Variants in GRM7 observed in about 807,000 individuals in gnomAD.
GRM7 encodes the protein glutamate metabotropic receptor 7.
GRM7 carries 35 observed loss-of-function variants against 84.5 expected under a neutral mutation model. The observed-to-expected ratio is 0.41, with a 90% CI of 0.32 to 0.55. The LOEUF (loss-of-function observed/expected upper bound fraction) is 0.55. Ranked by LOEUF, GRM7 falls within the 20% of genes least tolerant of loss-of-function variation. The pLI is 0.19. For synonymous variants in GRM7, 487 were observed against 455.1 expected, an observed-to-expected ratio of 1.07 and a Z score of -0.89; for missense variants, 1,003 against 1,194.6, an observed-to-expected ratio of 0.84 and a Z score of 2.36.
intron 9 of GRM7, among the ~76,000 whole-genome samples, chr3:7,709,525 A>T (rs2125164601): frequency 6.6e-6 from 1 of 152,228 alleles, no homozygotes; most frequent in Non-Finnish European, 1.5e-5. Context: ...CAGAATACAG[A>T]AAGTGGAGCC....
At chr3:7,578,278 C>A in intron 7 of GRM7, 144 bp from the exon 8 acceptor site, 2 of 617,238 alleles carry the variant, frequency 3.2e-6, no homozygotes, top group East Asian at 2.8e-5. Context: ...TCAAATCATA[C>A]TTGTAACTCT....
intron 1 of GRM7, among the ~76,000 whole-genome samples, chr3:6,968,837 A>G (rs372966448): frequency 3.7e-4 from 57 of 152,260 alleles, no homozygotes; most frequent in Middle Eastern, 6.8e-3. Context: ...TACCCATTCC[A>G]TACATTTACC....
rs551252701 is a variant in GRM7, at chr3:7,476,565, A to T, written c.1515+14843A>T. On this transcript the variant is annotated intron_variant, in intron 7 of 9. Coordinates refer to ENST00000357716, the MANE Select transcript of GRM7 (RefSeq NM_000844.4). Reference sequence around the variant, plus strand: ...CACCTCAAAAAATAAGAAAAAATTTAAAAAAAGAAAAGTGACTAGGACAGT... The same window carrying T: ...CACCTCAAAAAATAAGAAAAAATTTTAAAAAAGAAAAGTGACTAGGACAGT... Among the ~76,000 whole-genome samples, 54 of 152,244 alleles carry T rather than the reference A, an allele frequency of 3.5e-4. No individual in the cohort carries two copies. In the South Asian group the frequency reaches 0.011, roughly 31 times the overall value.
chr3:6,905,025 A>G (rs1223257414), intron 1 of GRM7, among the ~76,000 whole-genome samples: 1 of 152,058 alleles, frequency 6.6e-6, no homozygotes, highest in Non-Finnish European at 1.5e-5. Context: ...GGCTCCTAAT[A>G]TATCTTAATA....
intron 2 of GRM7, among the ~76,000 whole-genome samples, chr3:7,202,861 A>G (rs1287983003): frequency 6.6e-6 from 1 of 152,162 alleles, no homozygotes; most frequent in Non-Finnish European, 1.5e-5. Flanking sequence ...TTGAGCTACA[A>G]TTGTCTAAAA....
chr3:7,430,299 C>G (rs1696774308), intron 5 of GRM7, among the ~76,000 whole-genome samples: 1 of 152,094 alleles, frequency 6.6e-6, no homozygotes, highest in Admixed American at 6.6e-5. Context: ...TTGAGGTCAC[C>G]TGGGATGTTC....
intron 8 of GRM7, among the ~76,000 whole-genome samples, chr3:7,668,064 G>T (rs1699771501): frequency 6.6e-6 from 1 of 152,126 alleles, no homozygotes; most frequent in Non-Finnish European, 1.5e-5. Flanking sequence ...AGTTATTATT[G>T]ACAATTATGC....
chr3:7,283,793 A>G (rs1483722751), intron 2 of GRM7, among the ~76,000 whole-genome samples: 1 of 152,240 alleles, frequency 6.6e-6, no homozygotes, highest in African/African-American at 2.4e-5. Context: ...AAATTCACAA[A>G]GAAGAATTAT....
At chr3:7,641,674 A>C (rs1559457944) in intron 8 of GRM7, among the ~76,000 whole-genome samples, 1 of 152,092 alleles carries the variant, frequency 6.6e-6, no homozygotes, top group Non-Finnish European at 1.5e-5. Flanking sequence ...GCTAATAATT[A>C]TTGATCTTAA....
At chr3:6,946,402 A>C (rs577699748) in intron 1 of GRM7, among the ~76,000 whole-genome samples, 58 of 152,060 alleles carry the variant, frequency 3.8e-4, no homozygotes, top group Non-Finnish European at 4.4e-4. Flanking sequence ...GGGCTCTGTT[A>C]TGTTCCATTG....
intron 4 of GRM7, among the ~76,000 whole-genome samples, chr3:7,323,769 A>G (rs907814708): frequency 1.1e-4 from 17 of 152,206 alleles, no homozygotes; most frequent in Non-Finnish European, 2.2e-4. Flanking sequence ...AACAATGTTA[A>G]TGATTACAAC....
chr3:7,671,896 A>G (rs1575614725), intron 8 of GRM7, among the ~76,000 whole-genome samples: 1 of 152,216 alleles, frequency 6.6e-6, no homozygotes, highest in East Asian at 1.9e-4. Context: ...AGTTTATATC[A>G]GACATTCTAG....
intron 4 of GRM7, among the ~76,000 whole-genome samples, chr3:7,327,142 C>G (rs1284168445): frequency 1.3e-5 from 2 of 152,204 alleles, no homozygotes; most frequent in Admixed American, 6.5e-5. Context: ...GGAGCTAACA[C>G]TCATCCTGAG....
intron 7 of GRM7, among the ~76,000 whole-genome samples, chr3:7,530,543 G>C: frequency 6.6e-6 from 1 of 151,998 alleles, no homozygotes; most frequent in East Asian, 1.9e-4. Flanking sequence ...TGGTTGAACT[G>C]ATTTACTCTC....
intron 8 of GRM7, among the ~76,000 whole-genome samples, chr3:7,609,882 A>G (rs1696767619): frequency 6.6e-6 from 1 of 152,080 alleles, no homozygotes; most frequent in Admixed American, 6.6e-5. Flanking sequence ...ACCAGACAGA[A>G]TTAAGTGACA....
intron 2 of GRM7, among the ~76,000 whole-genome samples, chr3:7,174,600 T>A (rs115670775): frequency 2.6e-3 from 392 of 152,358 alleles, no homozygotes; most frequent in African/African-American, 9.2e-3. Context: ...GATGCCTTGG[T>A]CAGTAGTCCT....
chr3:7,700,499 G>A (rs915599924), intron 9 of GRM7, among the ~76,000 whole-genome samples: 8 of 152,194 alleles, frequency 5.3e-5, no homozygotes, highest in Non-Finnish European at 8.8e-5. Context: ...CAAACAGCTG[G>A]AGATTTTTTC....
rs747562583 is a variant in GRM7 at position 7,461,733 on chromosome 3, C to T, written c.1515+11C>T. On this transcript the variant is annotated intron_variant, in intron 7 of 9. Transcript: ENST00000357716. Reference sequence around the variant, plus strand: ...GAACTTCAGCTCAATGTGAGTTCTGCTTGCTTCTCTTCTTCCCTTGTTGAG... The same window carrying T: ...GAACTTCAGCTCAATGTGAGTTCTGTTTGCTTCTCTTCTTCCCTTGTTGAG... The T allele has an allele frequency of 2.5e-6, 4 of 1,611,604 alleles. No homozygotes were observed. In the South Asian group the frequency reaches 3.3e-5, roughly 13 times the overall value.
At chr3:7,049,897 G>A (rs915710922) in intron 1 of GRM7, among the ~76,000 whole-genome samples, 5 of 151,852 alleles carry the variant, frequency 3.3e-5, no homozygotes, top group African/African-American at 1.2e-4. Context: ...CAAGGAACTG[G>A]AACCTAGTTT....
Sources: gnomAD v4.1 joint callset for allele counts (sites outside exome capture counted in the v4.1 genomes callset) on GRCh38, gnomAD v4.1.1 for gene constraint, MANE v1.5 for transcripts, NCBI Gene and HGNC (gene_info 2026-07-23, HGNC 2026-07-21) for gene names.